LIMCH1: variants seen among roughly 807,000 people sequenced by gnomAD.
The protein encoded by LIMCH1 is LIM and calponin homology domains-containing protein 1.
LIMCH1 carries 113 observed loss-of-function variants against 176.5 expected under a neutral mutation model. That is an observed-to-expected ratio of 0.64 (90% CI 0.55 to 0.75). The LOEUF (loss-of-function observed/expected upper bound fraction) is 0.75. Among genes scored for constraint, LIMCH1 ranks in the 30% least tolerant of loss-of-function variants. LIMCH1 has a pLI of 0.00. For missense variants in LIMCH1, 1,674 were observed against 1,814.9 expected (o/e 0.92, Z 1.41); for synonymous variants, 619 against 645.9 (o/e 0.96, Z 0.63).
intron 1 of LIMCH1, chr4:41,389,153 A>G (rs913805918): frequency 2.0e-5 from 3 of 152,306 alleles, no homozygotes; most frequent in Non-Finnish European, 2.9e-5. Context: ...TCAAGGTCGT[A>G]TATCTGAGGT....
intron 1 of LIMCH1, among the ~76,000 whole-genome samples, chr4:41,461,265 T>G (rs537476613): frequency 1.3e-5 from 2 of 152,322 alleles, no homozygotes; most frequent in East Asian, 3.9e-4. Context: ...TTTCATAGGC[T>G]GCAGTCTGGC....
chr4:41,556,708 T>C (rs923392996), intron 1 of LIMCH1, among the ~76,000 whole-genome samples: 30 of 152,200 alleles, frequency 2.0e-4, no homozygotes, highest in Admixed American at 1.8e-3. Flanking sequence ...TTTGAATTCC[T>C]GGAAGCCTGA....
At chr4:41,688,042 TACAC>T (rs1446307692) in intron 29 of LIMCH1, 125 bp downstream of exon 29, 1 of 702,694 alleles carries the variant, frequency 1.4e-6, no homozygotes. Flanking sequence ...CATCTCTTCC[TACAC>T]ACACACAGAG....
chr4:41,555,131 G>A (rs1180431303), intron 1 of LIMCH1, among the ~76,000 whole-genome samples: 6 of 152,310 alleles, frequency 3.9e-5, no homozygotes, highest in African/African-American at 7.2e-5. Flanking sequence ...AATAGTTAGC[G>A]GATGTGAAAA....
intron 1 of LIMCH1, among the ~76,000 whole-genome samples, chr4:41,433,688 TTTTTA>T (rs201481262): frequency 1.4e-5 from 2 of 140,388 alleles, no homozygotes; most frequent in African/African-American, 5.8e-5. Flanking sequence ...TTTTTTTTTT[TTTTTA>T]AACTTTTAAA....
At chr4:41,416,517 G>T (rs1171034469) in intron 1 of LIMCH1, among the ~76,000 whole-genome samples, 2 of 151,810 alleles carry the variant, frequency 1.3e-5, no homozygotes, top group African/African-American at 4.8e-5. Context: ...AATTAGCTGG[G>T]TGTGGTAGCG....
At chr4:41,661,601 C>A in intron 19 of LIMCH1, 91 bp downstream of exon 19, 1 of 965,606 alleles carries the variant, frequency 1.0e-6, no homozygotes, top group Non-Finnish European at 1.6e-6. Flanking sequence ...TACTGAGCCA[C>A]AGGAAAGTAG....
rs1381535831 is a variant in LIMCH1 at position 41,646,519 on chromosome 4, A to G, written c.2446A>G (p.Lys816Glu). 6.2e-7 allele frequency: 1 copy of G among 1,614,126 alleles called. No individual in the cohort carries two copies. Among genetic ancestry groups the G allele is most frequent in the Non-Finnish European group, 8.5e-7 (1 of 1,180,008 alleles). The stretch of plus-strand genomic sequence containing the variant: ...AGAGAGAGAGCTGCATGAAGCATAT[A>G]AGAACGCTCGGTCCCAGGAGGAGGC... ...RRERELHEAY[K>E]NARSQEEAEG... The change falls in exon 17 of 32, where the codon AAG becomes GAG. Residue 816 changes from lysine to glutamate, a missense_variant. Transcript: ENST00000503057.
intron 1 of LIMCH1, among the ~76,000 whole-genome samples, chr4:41,579,520 G>A (rs1008130293): frequency 1.3e-5 from 2 of 152,152 alleles, no homozygotes; most frequent in African/African-American, 4.8e-5. Flanking sequence ...ACATAGTTGT[G>A]CAGTCCATCT....
chr4:41,400,998 G>A (rs539056116), intron 1 of LIMCH1, among the ~76,000 whole-genome samples: 2 of 152,212 alleles, frequency 1.3e-5, no homozygotes, highest in South Asian at 2.1e-4. Flanking sequence ...TCACTCTGAC[G>A]GTAGTTTCTT....
chr4:41,615,469 A>G (rs2091959074), intron 5 of LIMCH1, among the ~76,000 whole-genome samples: 1 of 152,200 alleles, frequency 6.6e-6, no homozygotes, highest in South Asian at 2.1e-4. Context: ...ATGAAATTAG[A>G]GCTTCACAAA....
chr4:41,436,600 G>A (rs972254703), intron 1 of LIMCH1, among the ~76,000 whole-genome samples: 1 of 152,178 alleles, frequency 6.6e-6, no homozygotes, highest in Non-Finnish European at 1.5e-5. Context: ...AGCATGTAAA[G>A]TGATTAAAAT....
intron 1 of LIMCH1, among the ~76,000 whole-genome samples, chr4:41,589,967 C>A (rs991209107): frequency 1.3e-5 from 2 of 152,180 alleles, no homozygotes; most frequent in Non-Finnish European, 2.9e-5. Flanking sequence ...CATGGCATTA[C>A]CTGAAATCCC....
intron 1 of LIMCH1, among the ~76,000 whole-genome samples, chr4:41,440,747 G>T (rs2062615345): frequency 6.6e-6 from 1 of 152,024 alleles, no homozygotes; most frequent in Admixed American, 6.6e-5. Context: ...TGGCCAACCT[G>T]GTCTCGAACT....
intron 16 of LIMCH1, 45 bp from the exon 17 acceptor site, chr4:41,646,440 A>C (rs375621550): frequency 6.9e-6 from 11 of 1,587,878 alleles, no homozygotes; most frequent in African/African-American, 2.7e-5. Context: ...CTTCTTTGCA[A>C]TTTTCATTAG....
intron 3 of LIMCH1, among the ~76,000 whole-genome samples, chr4:41,605,333 C>T (rs4306988): frequency 0.71 from 107,222 of 152,064 alleles, 38,894 homozygotes; most frequent in East Asian, 0.99. Flanking sequence ...ATATTCTTCA[C>T]GACACTGCTT....
intron 14 of LIMCH1, 68 bp downstream of exon 14, chr4:41,639,035 C>T: frequency 8.4e-7 from 1 of 1,191,846 alleles, no homozygotes; most frequent in Non-Finnish European, 1.2e-6. Context: ...CAGTACTTAC[C>T]ACTAATTGAA....
At chr4:41,535,162 C>CAA (rs61639965), upstream of LIMCH1, among the ~76,000 whole-genome samples, 661 of 82,648 alleles carry the variant, frequency 8.0e-3, 1 homozygote, top group Non-Finnish European at 0.012. Flanking sequence ...GACCCTGTCA[C>CAA]AAAAAAAAAA....
intron 1 of LIMCH1, among the ~76,000 whole-genome samples, chr4:41,478,553 T>G (rs1277754215): frequency 6.6e-6 from 1 of 152,198 alleles, no homozygotes; most frequent in African/African-American, 2.4e-5. Flanking sequence ...CATACAACAG[T>G]TTTGTGGTTA....
Sources: gnomAD v4.1 joint callset for allele counts (sites outside exome capture counted in the v4.1 genomes callset) on GRCh38, gnomAD v4.1.1 for gene constraint, MANE v1.5 for transcripts, NCBI Gene and HGNC (gene_info 2026-07-23, HGNC 2026-07-21) for gene names.